Variants in CORIN observed in about 807,000 individuals in gnomAD.
CORIN encodes corin, serine peptidase.
In CORIN, 117 loss-of-function variants were observed where a neutral mutation model predicts 125.3. The ratio of observed to expected loss-of-function variants is 0.93; its 90% CI spans 0.80 to 1.09. The LOEUF (loss-of-function observed/expected upper bound fraction) is 1.09, where lower values mean the gene tolerates loss of function less well. CORIN is among the 50% of genes least tolerant of loss of function. The pLI is 0.00. For synonymous variants in CORIN, 450 were observed against 466.4 expected (o/e 0.96, Z 0.45); for missense variants, 1,253 against 1,306.7 (o/e 0.96, Z 0.63).
chr4:47,599,226 A>G (rs1721359110), intron 21 of CORIN, among the ~76,000 whole-genome samples: 1 of 152,194 alleles, frequency 6.6e-6, no homozygotes, highest in African/African-American at 2.4e-5. Context: ...GTGGCCATGA[A>G]GCAGAAAGGA....
intron 1 of CORIN, among the ~76,000 whole-genome samples, chr4:47,815,644 T>G (rs1311012370): frequency 6.6e-6 from 1 of 152,158 alleles, no homozygotes; most frequent in Non-Finnish European, 1.5e-5. Flanking sequence ...TAATAAAGTT[T>G]CCTTTTAGGT....
intron 5 of CORIN, among the ~76,000 whole-genome samples, chr4:47,693,886 A>G (rs1282854059): frequency 6.6e-6 from 1 of 152,196 alleles, no homozygotes; most frequent in African/African-American, 2.4e-5. Context: ...AACAAAGTGG[A>G]TGTTAAGATA....
intron 10 of CORIN, 119 bp from the exon 11 acceptor site, chr4:47,665,382 C>G: frequency 1.5e-6 from 1 of 687,724 alleles, no homozygotes; most frequent in South Asian, 2.0e-5. Flanking sequence ...GACTAGAATG[C>G]CAGTAGTATA....
At chr4:47,809,253 G>A (rs1731941339) in intron 1 of CORIN, among the ~76,000 whole-genome samples, 1 of 152,146 alleles carries the variant, frequency 6.6e-6, no homozygotes, top group African/African-American at 2.4e-5. Flanking sequence ...ATCTCATTTA[G>A]CATTTATAAG....
chr4:47,648,175 G>A (rs992816801), intron 13 of CORIN, among the ~76,000 whole-genome samples: 3 of 152,138 alleles, frequency 2.0e-5, no homozygotes, highest in Non-Finnish European at 4.4e-5. Context: ...TATTCTAAAA[G>A]GAAAAGGATA....
At chr4:47,833,521 C>CAAAAAAAAAAA (rs75657429) in intron 1 of CORIN, among the ~76,000 whole-genome samples, 2 of 115,040 alleles carry the variant, frequency 1.7e-5, no homozygotes, top group Admixed American at 8.5e-5. Context: ...AAAGCATAGG[C>CAAAAAAAAAAA]AAAAAAAAAA....
intron 1 of CORIN, among the ~76,000 whole-genome samples, chr4:47,825,392 A>G (rs1175208903): frequency 6.6e-6 from 1 of 152,210 alleles, no homozygotes; most frequent in Non-Finnish European, 1.5e-5. Flanking sequence ...GGGACTTGTT[A>G]GACACATGAA....
intron 5 of CORIN, among the ~76,000 whole-genome samples, chr4:47,711,571 G>T: frequency 6.6e-6 from 1 of 152,238 alleles, no homozygotes; most frequent in East Asian, 1.9e-4. Flanking sequence ...AATAGATGGA[G>T]CCCAAGTCTT....
chr4:47,770,890 T>G (rs980455784), intron 3 of CORIN, among the ~76,000 whole-genome samples: 1 of 152,070 alleles, frequency 6.6e-6, no homozygotes, highest in Admixed American at 6.6e-5. Flanking sequence ...GGGTGAGGAT[T>G]GCAATATGTT....
At chr4:47,677,455 A>G (rs1307686983) in intron 9 of CORIN, among the ~76,000 whole-genome samples, 2 of 152,240 alleles carry the variant, frequency 1.3e-5, no homozygotes, top group Admixed American at 6.5e-5. Flanking sequence ...ACATTTAAAA[A>G]ACAATTTATT....
At chr4:47,718,823 C>T (rs763945401) in intron 5 of CORIN, among the ~76,000 whole-genome samples, 5 of 152,094 alleles carry the variant, frequency 3.3e-5, no homozygotes, top group Admixed American at 6.6e-5. Flanking sequence ...TTCCTTAGTC[C>T]GTGTTGTAGT....
intron 2 of CORIN, among the ~76,000 whole-genome samples, chr4:47,800,311 A>T (rs554745895): frequency 6.6e-6 from 1 of 152,214 alleles, no homozygotes; most frequent in Non-Finnish European, 1.5e-5. Flanking sequence ...AGAATAACCC[A>T]CTTAAAGCAA....
At chr4:47,596,721 A>G (rs1721265302) in intron 21 of CORIN, among the ~76,000 whole-genome samples, 1 of 152,210 alleles carries the variant, frequency 6.6e-6, no homozygotes, top group Non-Finnish European at 1.5e-5. Context: ...TTCATTGTGG[A>G]AGGTTACAAA....
chr4:47,750,236 CT>C (rs1339869694), intron 4 of CORIN, among the ~76,000 whole-genome samples: 1 of 152,122 alleles, frequency 6.6e-6, no homozygotes, highest in African/African-American at 2.4e-5. Context: ...AGAAAAGAGG[CT>C]TCTTTGGTTT....
At chr4:47,774,641 G>A (rs528757275) in intron 3 of CORIN, among the ~76,000 whole-genome samples, 100 of 152,212 alleles carry the variant, frequency 6.6e-4, no homozygotes, top group African/African-American at 2.3e-3. Flanking sequence ...AAGCAAAGAG[G>A]AAAAGGGAGC....
intron 1 of CORIN, among the ~76,000 whole-genome samples, chr4:47,820,035 C>T (rs770114198): frequency 7.9e-5 from 12 of 152,102 alleles, no homozygotes; most frequent in African/African-American, 1.2e-4. Flanking sequence ...GGGAAATGTC[C>T]GGAGTATAAA....
At chr4:47,775,652 G>A (rs1264406185) in intron 3 of CORIN, among the ~76,000 whole-genome samples, 3 of 152,144 alleles carry the variant, frequency 2.0e-5, no homozygotes, top group Non-Finnish European at 4.4e-5. Flanking sequence ...TGCTGAGGGT[G>A]GATGGAGGGA....
At chr4:47,676,285 C>T (rs1056264935) in intron 9 of CORIN, among the ~76,000 whole-genome samples, 6 of 152,170 alleles carry the variant, frequency 3.9e-5, no homozygotes, top group Non-Finnish European at 8.8e-5. Flanking sequence ...TCATGGTCCT[C>T]CTACACATGC....
At chr4:47,790,246 G>C in intron 2 of CORIN, 1 of 981,040 alleles carries the variant, frequency 1.0e-6, no homozygotes, top group Non-Finnish European at 1.2e-6. Flanking sequence ...GCTGTGGTGA[G>C]ACAGCCAAGT....
Sources: allele counts gnomAD v4.1 joint callset (sites outside exome capture counted in the v4.1 genomes callset), GRCh38; gene constraint gnomAD v4.1.1; transcripts MANE v1.5; gene names NCBI Gene and HGNC (gene_info 2026-07-23, HGNC 2026-07-21).